Variants in TYW1B observed in about 807,000 individuals in gnomAD.
TYW1B encodes S-adenosyl-L-methionine-dependent tRNA 4-demethylwyosine synthase TYW1B.
Under a neutral mutation model 86.9 loss-of-function variants are expected in TYW1B, and 73 were observed. The observed-to-expected ratio is 0.84, with a 90% CI of 0.70 to 1.02. The LOEUF (loss-of-function observed/expected upper bound fraction) is 1.02, where lower values mean the gene tolerates loss of function less well. TYW1B is among the 50% of genes least tolerant of loss of function. The pLI, the probability that TYW1B is intolerant of heterozygous loss-of-function variation, is 0.00. For missense variants in TYW1B, 637 were observed against 827.4 expected (o/e 0.77, Z 2.82); for synonymous variants, 248 against 292.8 (o/e 0.85, Z 1.56).
intron 11 of TYW1B, among the ~76,000 whole-genome samples, chr7:72,673,668 T>G (rs139553620): frequency 0.014 from 2,081 of 152,190 alleles, 44 homozygotes; most frequent in African/African-American, 0.047. Context: ...AAAAAATGAA[T>G]AAGACCTAGT....
intron 6 of TYW1B, among the ~76,000 whole-genome samples, chr7:72,778,055 T>C (rs1787987906): frequency 6.6e-6 from 1 of 152,194 alleles, no homozygotes; most frequent in South Asian, 2.1e-4. Context: ...CAGGATGCTC[T>C]TTTGTTAAGT....
At chr7:72,667,852 T>G (rs1302521485) in intron 11 of TYW1B, among the ~76,000 whole-genome samples, 4 of 152,188 alleles carry the variant, frequency 2.6e-5, no homozygotes, top group Admixed American at 6.5e-5. Context: ...GAATCAAAAG[T>G]CAAAGGGTAG....
intron 6 of TYW1B, among the ~76,000 whole-genome samples, chr7:72,787,867 T>C (rs1289652058): frequency 6.6e-6 from 1 of 152,212 alleles, no homozygotes; most frequent in Non-Finnish European, 1.5e-5. Context: ...ACAACAACTC[T>C]ATGTTCCTCA....
intron 13 of TYW1B, among the ~76,000 whole-genome samples, chr7:72,604,066 A>T (rs782178496): frequency 6.6e-6 from 1 of 152,184 alleles, no homozygotes; most frequent in Non-Finnish European, 1.5e-5. Context: ...CCAACATAAG[A>T]TGCTAATAGG....
intron 13 of TYW1B, among the ~76,000 whole-genome samples, chr7:72,580,502 C>T (rs560994209): frequency 2.0e-5 from 3 of 152,232 alleles, no homozygotes; most frequent in East Asian, 1.9e-4. Context: ...AACACACAAG[C>T]GCAATAAGAT....
At chr7:72,758,177 G>A (rs1215401502) in intron 7 of TYW1B, among the ~76,000 whole-genome samples, 7 of 152,032 alleles carry the variant, frequency 4.6e-5, no homozygotes, top group Non-Finnish European at 1.0e-4. Context: ...CCGAGATTGT[G>A]CCACTGTACT....
At chr7:72,599,091 G>A (rs1357587217) in intron 13 of TYW1B, among the ~76,000 whole-genome samples, 3 of 152,132 alleles carry the variant, frequency 2.0e-5, no homozygotes, top group Non-Finnish European at 2.9e-5. Flanking sequence ...TACAAGAAAG[G>A]AAAACCACAG....
At chr7:72,617,764 C>T (rs3015867) in intron 12 of TYW1B, among the ~76,000 whole-genome samples, 26,306 of 142,376 alleles carry the variant, frequency 0.18, 2,794 homozygotes, top group East Asian at 0.56. Flanking sequence ...CATGTACCTA[C>T]ATACCTTTAC....
At position 72,815,481 on chromosome 7, in the gene TYW1B, C is replaced by A. The variant is rs782001168; in HGVS notation, c.136G>T (p.Gly46Ter). 15 of 1,602,046 alleles carry A rather than the reference C, an allele frequency of 9.4e-6. No homozygotes were observed. In the Admixed American group the frequency reaches 2.5e-4, roughly 26 times the overall value. Residue 46 changes from glycine (G) to a stop codon, truncating the protein, a stop_gained and splice_region_variant, in exon 3 of 14, where the codon GGA becomes TGA. Coordinates refer to ENST00000620995, the MANE Select transcript of TYW1B (RefSeq NM_001145440.3). LOFTEE classifies it high-confidence loss of function. ...ICVQIVIEMQ[G>*]FATVLAEAVT... ...GCTTCAGCAAGAACTGTTGCAAATC[C>A]CTAATAGGACAAAAAAAAACTTCAA...
At chr7:72,645,106 C>T (rs1563043725) in intron 11 of TYW1B, among the ~76,000 whole-genome samples, 1 of 152,272 alleles carries the variant, frequency 6.6e-6, no homozygotes, top group African/African-American at 2.4e-5. Context: ...GGATTACAGG[C>T]GTGAGCCGCC....
At chr7:72,740,462 A>T (rs1554461927) in intron 8 of TYW1B, among the ~76,000 whole-genome samples, 2 of 105,950 alleles carry the variant, frequency 1.9e-5, no homozygotes, top group African/African-American at 6.4e-5. Context: ...AAAGACTGGG[A>T]GAAGCTTTTT....
intron 11 of TYW1B, among the ~76,000 whole-genome samples, chr7:72,664,568 T>G (rs1308966549): frequency 6.6e-6 from 1 of 151,838 alleles, no homozygotes; most frequent in Non-Finnish European, 1.5e-5. Flanking sequence ...CATGGACACA[T>G]AGAGAGGAAC....
At chr7:72,800,581 T>A (rs543503654) in intron 6 of TYW1B, among the ~76,000 whole-genome samples, 7 of 152,142 alleles carry the variant, frequency 4.6e-5, no homozygotes, top group Admixed American at 3.9e-4. Context: ...TCCTACATAT[T>A]CTTAGAATTT....
chr7:72,788,959 T>A (rs1554472962), intron 6 of TYW1B, among the ~76,000 whole-genome samples: 1 of 151,870 alleles, frequency 6.6e-6, no homozygotes, highest in East Asian at 1.9e-4. Context: ...GCCTCCCAAG[T>A]AGCTGGGACC....
At chr7:72,625,606 G>A (rs1481363092) in intron 12 of TYW1B, among the ~76,000 whole-genome samples, 1 of 150,352 alleles carries the variant, frequency 6.7e-6, no homozygotes, top group East Asian at 1.9e-4. Flanking sequence ...AGGCTGCTGT[G>A]AGCCATGATT....
intron 12 of TYW1B, among the ~76,000 whole-genome samples, chr7:72,626,663 G>A (rs2421403): frequency 6.6e-6 from 1 of 151,782 alleles, no homozygotes; most frequent in African/African-American, 2.4e-5. Context: ...TTCTTTTTTC[G>A]TTCAGCCCGT....
intron 11 of TYW1B, among the ~76,000 whole-genome samples, chr7:72,651,195 C>T (rs537128581): frequency 6.6e-6 from 1 of 152,152 alleles, no homozygotes; most frequent in South Asian, 2.1e-4. Flanking sequence ...TATACGGAAA[C>T]TTAATTATGA....
At chr7:72,667,031 C>CAAAAAAAAAAAAAAAAAAAAAA (rs60691255) in intron 11 of TYW1B, among the ~76,000 whole-genome samples, 5 of 42,366 alleles carry the variant, frequency 1.2e-4, no homozygotes, top group African/African-American at 2.3e-4. Flanking sequence ...GACTCCGTCT[C>CAAAAAAAAAAAAAAAAAAAAAA]AAAAAAAAAA....
chr7:72,640,896 C>T (rs1812785542), intron 11 of TYW1B, among the ~76,000 whole-genome samples: 2 of 151,992 alleles, frequency 1.3e-5, no homozygotes, highest in African/African-American at 4.8e-5. Flanking sequence ...ATTAAACCAA[C>T]AGGGTTAGGA....
Sources: allele counts gnomAD v4.1 joint callset (sites outside exome capture counted in the v4.1 genomes callset), GRCh38; gene constraint gnomAD v4.1.1; transcripts MANE v1.5; gene names NCBI Gene and HGNC (gene_info 2026-07-23, HGNC 2026-07-21).